CASP6: variants seen among roughly 807,000 people sequenced by gnomAD.
The protein encoded by CASP6 is caspase-6.
CASP6 carries 20 observed loss-of-function variants against 31.8 expected under a neutral mutation model. The observed-to-expected ratio is 0.63, with a 90% confidence interval of 0.44 to 0.91. CASP6 has a LOEUF of 0.91. Ranked by LOEUF, CASP6 falls within the 40% of genes least tolerant of loss-of-function variation. The probability of loss-of-function intolerance (pLI) is 0.00; values close to 1 mark genes in which losing one functional copy is unlikely to be tolerated. For missense variants in CASP6, 328 were observed against 361.1 expected (o/e 0.91, Z 0.74); for synonymous variants, 130 against 127.8 (o/e 1.02, Z -0.12).
chr4:109,690,826 ATGTT>A lies in CASP6; in HGVS notation c.643+20_643+23del. On this transcript the variant is annotated intron_variant, in intron 6 of 6. Transcript: ENST00000265164. ...GACCTTAGCCAAGAGAGGCAATTAT[ATGTT>A]TGTTTTAAACACCACACACCTTCTG... 1 of 1,575,844 alleles carries A rather than the reference ATGTT, an allele frequency of 6.3e-7. No homozygotes were observed. Among genetic ancestry groups the A allele is most frequent in the Non-Finnish European group, 8.6e-7 (1 of 1,160,394 alleles).
At chr4:109,683,349 T>A in the CASP6 span, among the ~76,000 whole-genome samples, 1 of 152,196 alleles carries the variant, frequency 6.6e-6, no homozygotes, top group African/African-American at 2.4e-5. Flanking sequence ...TTTCTGGAGA[T>A]GTAAGGAAGT....
chr4:109,686,042 G>A (rs1295092657), downstream of CASP6, among the ~76,000 whole-genome samples: 2 of 152,160 alleles, frequency 1.3e-5, no homozygotes, highest in Non-Finnish European at 1.5e-5. Flanking sequence ...TTAGTAGCTG[G>A]TAATCAAACC....
chr4:109,664,935 A>G, the CASP6 span, among the ~76,000 whole-genome samples: 1 of 84,346 alleles, frequency 1.2e-5, no homozygotes, highest in Non-Finnish European at 2.3e-5. Context: ...TATAGCTCTT[A>G]ACTCTTGTAA....
chr4:109,701,061 G>A (rs1044962124), intron 1 of CASP6, among the ~76,000 whole-genome samples: 17 of 152,068 alleles, frequency 1.1e-4, no homozygotes, highest in Non-Finnish European at 2.2e-4. Context: ...GGGTTCAAGC[G>A]ATTCTCCCGC....
chr4:109,669,013 T>C, the CASP6 span, among the ~76,000 whole-genome samples: 4 of 152,126 alleles, frequency 2.6e-5, no homozygotes, highest in Admixed American at 2.6e-4. Context: ...GCATACATAG[T>C]CAAAACCAGT....
At chr4:109,680,967 G>C in the CASP6 span, among the ~76,000 whole-genome samples, 1 of 152,152 alleles carries the variant, frequency 6.6e-6, no homozygotes, top group South Asian at 2.1e-4. Flanking sequence ...CCATGGAGGA[G>C]GTGGGATGAG....
At chr4:109,671,526 G>A in the CASP6 span, among the ~76,000 whole-genome samples, 1 of 152,058 alleles carries the variant, frequency 6.6e-6, no homozygotes, top group African/African-American at 2.4e-5. Context: ...CCCATCAAAG[G>A]CATTCTTCAT....
At chr4:109,706,202 A>G (rs1730617125), upstream of CASP6, among the ~76,000 whole-genome samples, 1 of 130,292 alleles carries the variant, frequency 7.7e-6, no homozygotes, top group African/African-American at 3.1e-5. Context: ...CACATACATT[A>G]TACATAGGTA....
At chr4:109,666,035 G>C in the CASP6 span, among the ~76,000 whole-genome samples, 3 of 152,098 alleles carry the variant, frequency 2.0e-5, no homozygotes, top group Admixed American at 6.5e-5. Context: ...GATAAGGGAG[G>C]AGACGAGGCA....
the CASP6 span, among the ~76,000 whole-genome samples, chr4:109,681,083 G>C: frequency 9.2e-5 from 14 of 152,214 alleles, no homozygotes; most frequent in East Asian, 2.7e-3. Flanking sequence ...AGCTGGGATG[G>C]ACCCCTGTGA....
At chr4:109,684,573 T>C (rs142171148), downstream of CASP6, 3 of 1,605,398 alleles carry the variant, frequency 1.9e-6, no homozygotes, top group African/African-American at 2.7e-5. Flanking sequence ...TGGGATATCA[T>C]GGAGCCAGTT....
Position 109,691,014 on chromosome 4 carries a change from A to G in CASP6, c.484-5T>C, listed in dbSNP as rs887015799. 2 of 1,606,314 alleles carry G rather than the reference A, an allele frequency of 1.2e-6. No homozygotes were observed. Among genetic ancestry groups the G allele is most frequent in the Non-Finnish European group, 1.7e-6 (2 of 1,176,538 alleles). ...GTGCTGGTTTCCCCGACATGCCTACAAGACAAGGAGGAAAAACCCACCTCT... is the reference window on the plus strand; with the variant it reads ...GTGCTGGTTTCCCCGACATGCCTACGAGACAAGGAGGAAAAACCCACCTCT... On this transcript the variant is annotated splice_region_variant and splice_polypyrimidine_tract_variant and intron_variant, in intron 5 of 6. Coordinates refer to ENST00000265164, the MANE Select transcript of CASP6 (RefSeq NM_001226.4).
chr4:109,680,832 C>T, the CASP6 span, among the ~76,000 whole-genome samples: 2 of 152,196 alleles, frequency 1.3e-5, no homozygotes, highest in African/African-American at 2.4e-5. Flanking sequence ...TCCATCTTCC[C>T]TTCCTCTCAC....
chr4:109,670,370 C>G, the CASP6 span, among the ~76,000 whole-genome samples: 2 of 151,886 alleles, frequency 1.3e-5, no homozygotes, highest in African/African-American at 4.9e-5. Flanking sequence ...AATGAAATCC[C>G]AATCGGTTAG....
At chr4:109,698,661 T>G (rs1730326308) in intron 1 of CASP6, among the ~76,000 whole-genome samples, 1 of 152,192 alleles carries the variant, frequency 6.6e-6, no homozygotes, top group Non-Finnish European at 1.5e-5. Context: ...GGAGTTGAAA[T>G]ATGAAGTTGC....
At chr4:109,705,603 T>G (rs147762707), upstream of CASP6, among the ~76,000 whole-genome samples, 9 of 152,206 alleles carry the variant, frequency 5.9e-5, no homozygotes, top group Admixed American at 5.2e-4. Flanking sequence ...TTAAGAACAT[T>G]TGTGATTCAT....
chr4:109,684,395 A>G, downstream of CASP6: 1 of 1,442,748 alleles, frequency 6.9e-7, no homozygotes, highest in Non-Finnish European at 9.5e-7. Flanking sequence ...TTGTCCCTTT[A>G]GTTGGTGTAT....
chr4:109,699,524 C>T lies in CASP6; in HGVS notation c.41-1182G>A, dbSNP rs3181188. On this transcript the variant is annotated intron_variant, in intron 1 of 6. Coordinates refer to ENST00000265164, the MANE Select transcript of CASP6 (RefSeq NM_001226.4). ...CACACTAAGGCATCCTCTGTCTGTA[C>T]GCCCTAAGTCAGTTTTGCTCAACCT... 8.4e-3 allele frequency among the ~76,000 whole-genome samples: 1,280 copies of T among 152,288 alleles called. 22 individuals are homozygous for T. Among genetic ancestry groups the T allele is most frequent in the African/African-American group, 0.029 (1,201 of 41,554 alleles).
At chr4:109,685,360 T>A, downstream of CASP6, 1 of 1,429,022 alleles carries the variant, frequency 7.0e-7, no homozygotes, top group Non-Finnish European at 9.9e-7. Flanking sequence ...AAAGAAGACC[T>A]TGCTAAGGTA....
Sources: allele counts gnomAD v4.1 joint callset (sites outside exome capture counted in the v4.1 genomes callset), GRCh38; gene constraint gnomAD v4.1.1; transcripts MANE v1.5; gene names NCBI Gene and HGNC (gene_info 2026-07-23, HGNC 2026-07-21).